Variants in APBB2 observed in about 807,000 individuals in gnomAD.
APBB2 encodes Fe65-like 1.
APBB2 carries 38 observed loss-of-function variants against 82.5 expected under a neutral mutation model. The ratio of observed to expected loss-of-function variants is 0.46; its 90% CI spans 0.36 to 0.60. The LOEUF (loss-of-function observed/expected upper bound fraction) is 0.60, where lower values mean the gene tolerates loss of function less well. Ranked by LOEUF, APBB2 falls within the 20% of genes least tolerant of loss-of-function variation. APBB2 has a pLI of 0.00. For missense variants in APBB2, 772 were observed against 972.3 expected (o/e 0.79, Z 2.74); for synonymous variants, 341 against 368.2 (o/e 0.93, Z 0.85).
intron 5 of APBB2, among the ~76,000 whole-genome samples, chr4:41,015,463 T>G (rs965165807): frequency 6.6e-6 from 1 of 152,202 alleles, no homozygotes; most frequent in Non-Finnish European, 1.5e-5. Flanking sequence ...TGAAATTATA[T>G]TCTGACAATT....
intron 6 of APBB2, among the ~76,000 whole-genome samples, chr4:40,958,342 T>G (rs757281119): frequency 1.3e-5 from 2 of 152,180 alleles, no homozygotes; most frequent in African/African-American, 4.8e-5. Flanking sequence ...ATAGCACTAC[T>G]GAGAACCTCA....
At chr4:41,000,243 C>A (rs1804849031) in intron 6 of APBB2, among the ~76,000 whole-genome samples, 1 of 151,510 alleles carries the variant, frequency 6.6e-6, no homozygotes, top group Admixed American at 6.6e-5. Context: ...GCCTGGGCAA[C>A]AGAGTGAGAC....
intron 1 of APBB2, among the ~76,000 whole-genome samples, chr4:41,181,624 G>A (rs80312041): frequency 0.042 from 6,361 of 152,164 alleles, 148 homozygotes; most frequent in Middle Eastern, 0.058. Context: ...TATCCTGTTA[G>A]GAAGAAAGGA....
intron 1 of APBB2, among the ~76,000 whole-genome samples, chr4:41,160,002 G>GAAA (rs1764653203): frequency 6.7e-6 from 1 of 149,746 alleles, no homozygotes; most frequent in Admixed American, 6.6e-5. Context: ...AGAAGAAGAA[G>GAAA]AAGAAGAAGA....
At chr4:41,013,193 T>A (rs950487276) in intron 6 of APBB2, among the ~76,000 whole-genome samples, 22 of 152,220 alleles carry the variant, frequency 1.4e-4, no homozygotes, top group African/African-American at 5.1e-4. Context: ...TTGGGTTATA[T>A]CCTTCCCCCA....
intron 7 of APBB2, among the ~76,000 whole-genome samples, chr4:40,938,847 C>T (rs1014819760): frequency 6.6e-6 from 1 of 152,218 alleles, no homozygotes; most frequent in African/African-American, 2.4e-5. Context: ...TGTCTGTCCA[C>T]TACAAAACTC....
At position 40,890,434 on chromosome 4, in the gene APBB2, C is replaced by T; in HGVS notation, c.1459G>A (p.Asp487Asn). Residue 487 changes from aspartate (D) to asparagine (N), a missense_variant, in exon 12 of 18, where the codon GAC becomes AAC. Physicochemically the swap from Asp to Asn is conservative, Grantham distance 23. Transcript: ENST00000508593. ...NDMLSLVDPM[D>N]RSVLHSQPIV... is the part of the protein sequence containing the mutation. ...GGCTGCGAGTGCAGCACGCTGCGGT[C>T]CATGGGGTCCACCAGGCTGAGCATG... 6.2e-7 allele frequency: 1 copy of T among 1,614,128 alleles called. No individual in the cohort carries two copies. Among genetic ancestry groups the T allele is most frequent in the Non-Finnish European group, 8.5e-7 (1 of 1,180,028 alleles).
intron 5 of APBB2, among the ~76,000 whole-genome samples, chr4:41,018,507 T>C (rs1011183768): frequency 1.3e-5 from 2 of 152,154 alleles, no homozygotes; most frequent in Non-Finnish European, 2.9e-5. Flanking sequence ...GGGGTTCTTC[T>C]GAAGCATGCT....
chr4:41,053,945 G>A (rs1344363470), intron 4 of APBB2, among the ~76,000 whole-genome samples: 1 of 152,168 alleles, frequency 6.6e-6, no homozygotes, highest in Non-Finnish European at 1.5e-5. Context: ...ACAATAATGA[G>A]GAAAAGGCTC....
intron 12 of APBB2, among the ~76,000 whole-genome samples, chr4:40,869,158 A>T (rs1433355018): frequency 1.3e-5 from 2 of 152,162 alleles, no homozygotes; most frequent in Non-Finnish European, 2.9e-5. Context: ...ACTCCTGAGT[A>T]GCTGGGATTA....
At chr4:41,128,009 G>A (rs1389892112) in intron 2 of APBB2, among the ~76,000 whole-genome samples, 1 of 152,106 alleles carries the variant, frequency 6.6e-6, no homozygotes, top group Non-Finnish European at 1.5e-5. Context: ...GAACCCAGGA[G>A]GCGGAGATTG....
At chr4:40,816,767 G>T (rs1393950300) in intron 17 of APBB2, among the ~76,000 whole-genome samples, 2 of 152,240 alleles carry the variant, frequency 1.3e-5, no homozygotes, top group Non-Finnish European at 2.9e-5. Flanking sequence ...TTTACAGAGG[G>T]TGTTATGATT....
chr4:41,103,228 T>G (rs1746051420), intron 2 of APBB2, among the ~76,000 whole-genome samples: 1 of 152,216 alleles, frequency 6.6e-6, no homozygotes, highest in Non-Finnish European at 1.5e-5. Context: ...TTATGTAAGA[T>G]TCCCTAAAGT....
At chr4:41,099,285 G>C (rs1380284183) in intron 3 of APBB2, among the ~76,000 whole-genome samples, 1 of 152,096 alleles carries the variant, frequency 6.6e-6, no homozygotes, top group Non-Finnish European at 1.5e-5. Context: ...CTGGAGTGCA[G>C]TGGCGCAATC....
intron 6 of APBB2, among the ~76,000 whole-genome samples, chr4:40,946,319 G>A (rs78168610): frequency 6.7e-6 from 1 of 149,874 alleles, no homozygotes; most frequent in African/African-American, 2.5e-5. Context: ...TGACTCTACA[G>A]ACAGGCCAGT....
intron 4 of APBB2, among the ~76,000 whole-genome samples, chr4:41,060,441 A>G (rs1301891517): frequency 6.6e-6 from 1 of 151,380 alleles, no homozygotes; most frequent in African/African-American, 2.4e-5. Flanking sequence ...GGCTCCAATT[A>G]CTCCCTCCCC....
chr4:41,014,001 C>T lies in APBB2; in HGVS notation c.417G>A (p.Glu139=), dbSNP rs1185420651. ...AGCTCGAGGAATCCTGTGGGTGGGG[C>T]TCTTTACCCTCTAACTTCTCAGAAG... ...NITSEKLEGK[E]PHPQDSSSCE... is the part of the protein sequence containing the mutation. Residue 139 remains glutamate (E), a synonymous_variant, in exon 6 of 18, where the codon GAG becomes GAA. Transcript: ENST00000508593. The T allele has an allele frequency of 6.2e-7, 1 of 1,614,140 alleles. No homozygotes were observed. Among genetic ancestry groups the T allele is most frequent in the Non-Finnish European group, 8.5e-7 (1 of 1,179,998 alleles).
At chr4:41,008,875 C>T (rs1220548889) in intron 6 of APBB2, among the ~76,000 whole-genome samples, 1 of 152,216 alleles carries the variant, frequency 6.6e-6, no homozygotes, top group Non-Finnish European at 1.5e-5. Flanking sequence ...TCATGAGGCG[C>T]ATTGCCACAC....
intron 6 of APBB2, among the ~76,000 whole-genome samples, chr4:40,951,144 CAG>C (rs1352630126): frequency 6.6e-6 from 1 of 152,202 alleles, no homozygotes; most frequent in African/African-American, 2.4e-5. Context: ...GTGAAGCTCA[CAG>C]AGAGGTTTCT....
Sources: allele counts gnomAD v4.1 joint callset (sites outside exome capture counted in the v4.1 genomes callset), GRCh38; gene constraint gnomAD v4.1.1; transcripts MANE v1.5; gene names NCBI Gene and HGNC (gene_info 2026-07-23, HGNC 2026-07-21).